SLC8A1: variants seen among roughly 807,000 people sequenced by gnomAD.
The protein encoded by SLC8A1 is solute carrier family 8 member A1.
A neutral mutation model predicts 68.3 loss-of-function variants in SLC8A1; 18 were observed. The ratio of observed to expected loss-of-function variants is 0.26; its 90% confidence interval spans 0.18 to 0.39. The LOEUF (loss-of-function observed/expected upper bound fraction) is 0.39. SLC8A1 is among the 10% of genes least tolerant of loss of function. The pLI is 1.00. For synonymous variants in SLC8A1, 475 were observed against 415.5 expected (o/e 1.14, Z -1.74); for missense variants, 985 against 1,156.7 (o/e 0.85, Z 2.15).
At chr2:40,404,826 T>C (rs1490596428) in intron 2 of SLC8A1, among the ~76,000 whole-genome samples, 1 of 152,180 alleles carries the variant, frequency 6.6e-6, no homozygotes, top group African/African-American at 2.4e-5. Context: ...TTCAAATGAA[T>C]GCTGAAAAGT....
chr2:40,452,861 G>C (rs994075001), upstream of SLC8A1, among the ~76,000 whole-genome samples: 5 of 151,978 alleles, frequency 3.3e-5, no homozygotes, highest in Non-Finnish European at 5.9e-5. Context: ...CCCAGAGTCT[G>C]TTTCGTGTGA....
intron 4 of SLC8A1, among the ~76,000 whole-genome samples, chr2:40,168,059 C>A (rs1316424662): frequency 4.6e-5 from 7 of 152,116 alleles, no homozygotes; most frequent in African/African-American, 1.7e-4. Context: ...CAAAACGGAT[C>A]ATTTTTTCAT....
intron 2 of SLC8A1, among the ~76,000 whole-genome samples, chr2:40,329,389 T>A (rs2076185122): frequency 6.6e-6 from 1 of 152,178 alleles, no homozygotes; most frequent in Non-Finnish European, 1.5e-5. Context: ...GTTAATAAAT[T>A]CAATACATCC....
At chr2:40,175,506 ATG>A (rs3833566) in intron 3 of SLC8A1, among the ~76,000 whole-genome samples, 1,653 of 151,078 alleles carry the variant, frequency 0.011, 8 homozygotes, top group African/African-American at 0.017. Context: ...ACATACGTAT[ATG>A]TGTGTGTGTG....
intron 2 of SLC8A1, among the ~76,000 whole-genome samples, chr2:40,378,703 G>C (rs1680746074): frequency 6.6e-6 from 1 of 152,072 alleles, no homozygotes; most frequent in African/African-American, 2.4e-5. Flanking sequence ...GACACATGGA[G>C]AGAAGTAGAG....
chr2:40,390,998 T>C (rs1374413833), intron 2 of SLC8A1, among the ~76,000 whole-genome samples: 1 of 152,090 alleles, frequency 6.6e-6, no homozygotes, highest in Non-Finnish European at 1.5e-5. Context: ...GCTGTGGAGA[T>C]GTTTCTAGAA....
At chr2:40,400,069 C>G (rs985939965) in intron 2 of SLC8A1, among the ~76,000 whole-genome samples, 2 of 152,112 alleles carry the variant, frequency 1.3e-5, no homozygotes, top group Admixed American at 6.5e-5. Context: ...GTCACGTACC[C>G]GCTGCTTGCT....
intron 7 of SLC8A1, chr2:40,118,612 T>G (rs1485208511): frequency 7.1e-6 from 1 of 140,146 alleles, no homozygotes; most frequent in African/African-American, 2.6e-5. Context: ...AGGAAGTTTT[T>G]TTTTTTTTTT....
chr2:40,242,384 G>A (rs777371834), intron 2 of SLC8A1, among the ~76,000 whole-genome samples: 9 of 152,092 alleles, frequency 5.9e-5, no homozygotes, highest in African/African-American at 1.7e-4. Flanking sequence ...TGGTGAAATC[G>A]CTTTGTGTAA....
At chr2:40,206,812 T>C (rs2148745708) in intron 2 of SLC8A1, among the ~76,000 whole-genome samples, 1 of 152,166 alleles carries the variant, frequency 6.6e-6, no homozygotes, top group Admixed American at 6.5e-5. Context: ...AGTTTTATAA[T>C]TGCAATATCT....
At chr2:40,197,732 T>G (rs1258598909) in intron 2 of SLC8A1, among the ~76,000 whole-genome samples, 1 of 151,966 alleles carries the variant, frequency 6.6e-6, no homozygotes, top group Non-Finnish European at 1.5e-5. Context: ...GACATTTTCC[T>G]GTTGAAATTT....
intron 2 of SLC8A1, among the ~76,000 whole-genome samples, chr2:40,341,936 G>A (rs756835358): frequency 6.6e-5 from 10 of 152,116 alleles, no homozygotes; most frequent in Non-Finnish European, 1.5e-4. Flanking sequence ...TGTGGATCCT[G>A]CTTAGGATAT....
At chr2:40,270,074 A>T (rs555563395) in intron 2 of SLC8A1, among the ~76,000 whole-genome samples, 4 of 152,338 alleles carry the variant, frequency 2.6e-5, no homozygotes, top group African/African-American at 9.6e-5. Context: ...TAGGTCTTCA[A>T]GCTAGCTCTC....
chr2:40,456,370 T>G (rs984450110), upstream of SLC8A1, among the ~76,000 whole-genome samples: 4 of 151,750 alleles, frequency 2.6e-5, no homozygotes, highest in African/African-American at 9.7e-5. Flanking sequence ...TTCTGAGACT[T>G]CTGTTTTTCA....
chr2:40,193,189 G>C (rs2052229532), intron 2 of SLC8A1, among the ~76,000 whole-genome samples: 2 of 152,110 alleles, frequency 1.3e-5, no homozygotes, highest in African/African-American at 4.8e-5. Context: ...ATGACAGTAA[G>C]CAAAATGAAT....
chr2:40,442,139 T>G (rs567236793), intron 1 of SLC8A1, among the ~76,000 whole-genome samples: 2 of 151,124 alleles, frequency 1.3e-5, no homozygotes, highest in East Asian at 2.0e-4. Context: ...GCATGGCACA[T>G]GTATACATAT....
chr2:40,376,141 A>T (rs533504835), intron 2 of SLC8A1, among the ~76,000 whole-genome samples: 1 of 152,262 alleles, frequency 6.6e-6, no homozygotes, highest in East Asian at 1.9e-4. Flanking sequence ...CATCTTTGTC[A>T]TTCCTCTTAA....
Position 40,432,310 on chromosome 2 carries a change from GAAAC to G in SLC8A1, c.-24-2010_-24-2007del, listed in dbSNP as rs934700241. On this transcript the variant is annotated intron_variant, in intron 1 of 7. Coordinates refer to ENST00000406785, the Ensembl canonical transcript of SLC8A1. Reference sequence around the variant, plus strand: ...CAGAGCTTATATTCTAATGGTGGAGGAAACAAACAAATATAAATATCAGAAGGTT... The same window carrying G: ...CAGAGCTTATATTCTAATGGTGGAGGAAACAAATATAAATATCAGAAGGTT... Among the ~76,000 whole-genome samples the G allele has an allele frequency of 2.2e-4, 33 of 151,200 alleles. No individual in the cohort carries two copies. In the East Asian group the frequency reaches 5.1e-3, roughly 23 times the overall value.
intron 2 of SLC8A1, among the ~76,000 whole-genome samples, chr2:40,264,707 G>A (rs2065135328): frequency 6.6e-6 from 1 of 152,184 alleles, no homozygotes; most frequent in African/African-American, 2.4e-5. Flanking sequence ...TTGTGGGGTG[G>A]GGTGAGGGAG....
Sources: allele counts gnomAD v4.1 joint callset (sites outside exome capture counted in the v4.1 genomes callset), GRCh38; gene constraint gnomAD v4.1.1; transcripts MANE v1.5; gene names NCBI Gene and HGNC (gene_info 2026-07-23, HGNC 2026-07-21).